Variants in METTL21A observed in about 807,000 individuals in gnomAD.
The protein encoded by METTL21A is methyltransferase 21A, HSPA lysine.
Under a neutral mutation model 20.9 loss-of-function variants are expected in METTL21A, and 22 were observed. That is an observed-to-expected ratio of 1.05 (90% CI 0.75 to 1.50). METTL21A has a LOEUF of 1.50. METTL21A is among the 40% of genes most tolerant of loss of function. The probability of loss-of-function intolerance (pLI) is 0.00; values close to 1 mark genes in which losing one functional copy is unlikely to be tolerated. For missense variants in METTL21A, 271 were observed against 266.8 expected, an observed-to-expected ratio of 1.02 and a Z score of -0.11; for synonymous variants, 93 against 102.0, an observed-to-expected ratio of 0.91 and a Z score of 0.53.
exon 4 of METTL21A, chr2:207,582,156 A>G (rs1315825564): frequency 1.4e-6 from 1 of 702,762 alleles, no homozygotes; most frequent in Non-Finnish European, 2.6e-6. Flanking sequence ...ATTAAATTCC[A>G]CCTCCTAAAA....
chr2:207,598,452 AT>A (rs1431693617), intron 3 of METTL21A: 1 of 179,440 alleles, frequency 5.6e-6, no homozygotes, highest in Non-Finnish European at 1.2e-5. Context: ...TACTCATTTT[AT>A]TCACTAAGCT....
At position 207,597,093 on chromosome 2, in the gene METTL21A, A is replaced by C; in HGVS notation, c.260-14933T>G. ...TAAATTTTCACCTGTTAAGGTGGAA[A>C]ATGGACTGGCTTGGCCACAACCTGA... On this transcript the variant is annotated intron_variant, in intron 3 of 3. Coordinates refer to the METTL21A transcript ENST00000425132. 2.5e-6 allele frequency: 4 copies of C among 1,574,544 alleles called. 1 individual carries two copies. In the South Asian group the frequency reaches 3.5e-5, roughly 14 times the overall value.
intron 3 of METTL21A, among the ~76,000 whole-genome samples, chr2:207,594,125 A>G (rs1259066943): frequency 6.6e-6 from 1 of 152,244 alleles, no homozygotes; most frequent in Non-Finnish European, 1.5e-5. Context: ...ACACAGAGCT[A>G]AAAAAGAATT....
At chr2:207,597,974 C>T (rs1216065005) in intron 3 of METTL21A, 1 of 183,924 alleles carries the variant, frequency 5.4e-6, no homozygotes, top group Non-Finnish European at 1.2e-5. Flanking sequence ...TATTGTCACT[C>T]ATTTACGTAA....
chr2:207,623,719 G>A (rs1040139063), intron 2 of METTL21A, among the ~76,000 whole-genome samples: 2 of 152,144 alleles, frequency 1.3e-5, no homozygotes, highest in Non-Finnish European at 2.9e-5. Flanking sequence ...CAGGTGTGGT[G>A]GCGTGCACCT....
intron 3 of METTL21A, chr2:207,599,741 A>G: frequency 5.1e-6 from 1 of 195,980 alleles, no homozygotes; most frequent in Non-Finnish European, 1.1e-5. Context: ...GTAAGCATGA[A>G]ACTTTGAGAA....
intron 3 of METTL21A, among the ~76,000 whole-genome samples, chr2:207,603,761 C>T (rs1030868891): frequency 4.6e-5 from 7 of 152,134 alleles, no homozygotes. Context: ...TATACCTTCT[C>T]AGGTCCCCTT....
At chr2:207,618,633 C>T (rs967809713) in intron 3 of METTL21A, among the ~76,000 whole-genome samples, 5 of 151,910 alleles carry the variant, frequency 3.3e-5, no homozygotes, top group East Asian at 1.9e-4. Flanking sequence ...AACCCGGAGG[C>T]GGGGGCAGAG....
At chr2:207,590,617 A>G (rs2084852241) in intron 3 of METTL21A, among the ~76,000 whole-genome samples, 1 of 152,040 alleles carries the variant, frequency 6.6e-6, no homozygotes, top group Non-Finnish European at 1.5e-5. Flanking sequence ...GTTTCTTAAG[A>G]CAATAGTTGG....
chr2:207,613,417 T>C, exon 4 of METTL21A: 1 of 1,602,140 alleles, frequency 6.2e-7, no homozygotes, highest in South Asian at 1.1e-5. Context: ...AATGCTACTT[T>C]TCGATCCGTG....
intron 1 of METTL21A, chr2:207,624,684 G>A (rs777037832): frequency 4.1e-5 from 7 of 170,950 alleles, no homozygotes; most frequent in Non-Finnish European, 8.7e-5. Context: ...CTACCACTCC[G>A]TGAATTCAGA....
At chr2:207,600,898 A>G (rs1322772296) in intron 3 of METTL21A, 1 of 201,846 alleles carries the variant, frequency 5.0e-6, no homozygotes, top group Non-Finnish European at 1.0e-5. Flanking sequence ...TGCTTTACTT[A>G]CTTGAAGTGA....
At chr2:207,625,827 C>G (rs1277800075), upstream of METTL21A, 2 of 152,286 alleles carry the variant, frequency 1.3e-5, no homozygotes, top group Non-Finnish European at 2.9e-5. Flanking sequence ...CATGGTCACT[C>G]TAGTCCCCGC....
chr2:207,624,101 G>T, intron 2 of METTL21A, 128 bp downstream of exon 2: 2 of 1,109,848 alleles, frequency 1.8e-6, no homozygotes, highest in Non-Finnish European at 2.5e-6. Context: ...ACTGAATTGT[G>T]CACTTTAAAT....
intron 3 of METTL21A, among the ~76,000 whole-genome samples, chr2:207,590,115 AC>A (rs2084730180): frequency 8.8e-6 from 1 of 113,852 alleles, no homozygotes; most frequent in African/African-American, 3.4e-5. Context: ...TTTAATAGAT[AC>A]GGGATCATTC....
chr2:207,620,075 G>A (rs1232793859), intron 3 of METTL21A, among the ~76,000 whole-genome samples: 1 of 152,180 alleles, frequency 6.6e-6, no homozygotes, highest in Non-Finnish European at 1.5e-5. Context: ...TGGTTCTCAG[G>A]AGGAAACAGA....
chr2:207,586,859 GTTA>G (rs369145588), intron 3 of METTL21A, among the ~76,000 whole-genome samples: 6 of 152,198 alleles, frequency 3.9e-5, no homozygotes, highest in African/African-American at 1.4e-4. Context: ...AGATAGAATG[GTTA>G]TTATCAAAAA....
chr2:207,617,130 T>C (rs1276887315), intron 3 of METTL21A, among the ~76,000 whole-genome samples: 1 of 152,236 alleles, frequency 6.6e-6, no homozygotes, highest in African/African-American at 2.4e-5. Flanking sequence ...GGGAAAAGAA[T>C]GTATAAACAT....
chr2:207,624,458 T>C, intron 1 of METTL21A, 54 bp from the exon 2 acceptor site: 1 of 1,423,622 alleles, frequency 7.0e-7, no homozygotes, highest in Non-Finnish European at 9.3e-7. Flanking sequence ...ACATTATCTG[T>C]TCTTAACTAA....
Sources: gnomAD v4.1 joint callset for allele counts (sites outside exome capture counted in the v4.1 genomes callset) on GRCh38, gnomAD v4.1.1 for gene constraint, MANE v1.5 for transcripts, NCBI Gene and HGNC (gene_info 2026-07-23, HGNC 2026-07-21) for gene names.